Variants in TFEC observed in about 807,000 individuals in gnomAD.
TFEC encodes transcription factor EC.
TFEC carries 31 observed loss-of-function variants against 41.6 expected under a neutral mutation model. The observed-to-expected ratio is 0.74, with a 90% CI of 0.56 to 1.01. The LOEUF (loss-of-function observed/expected upper bound fraction) is 1.01. TFEC is among the 50% of genes least tolerant of loss of function. The pLI is 0.00. For synonymous variants in TFEC, 143 were observed against 140.6 expected (o/e 1.02, Z -0.12); for missense variants, 402 against 404.1 (o/e 0.99, Z 0.04).
chr7:116,001,030 T>G (rs994797226), intron 1 of TFEC, among the ~76,000 whole-genome samples: 1 of 151,552 alleles, frequency 6.6e-6, no homozygotes, highest in Non-Finnish European at 1.5e-5. Flanking sequence ...AATAACATAC[T>G]GGAGGAATCA....
intron 3 of TFEC, among the ~76,000 whole-genome samples, chr7:116,059,107 A>T (rs1319343433): frequency 1.3e-5 from 2 of 151,820 alleles, no homozygotes; most frequent in African/African-American, 4.8e-5. Context: ...AATCAATAAC[A>T]TCGACACTCT....
chr7:116,061,529 T>C (rs753559532), intron 3 of TFEC, among the ~76,000 whole-genome samples: 1 of 152,142 alleles, frequency 6.6e-6, no homozygotes, highest in Non-Finnish European at 1.5e-5. Context: ...AGAAAATCTT[T>C]GTGAATTTGG....
At chr7:116,151,994 C>CA (rs964303969) in intron 1 of TFEC, among the ~76,000 whole-genome samples, 51 of 149,994 alleles carry the variant, frequency 3.4e-4, no homozygotes, top group South Asian at 2.8e-3. Flanking sequence ...CACTTTTTCT[C>CA]AAAAAAAAAG....
At chr7:116,028,878 T>C (rs1157323684) in intron 1 of TFEC, among the ~76,000 whole-genome samples, 1 of 152,200 alleles carries the variant, frequency 6.6e-6, no homozygotes, top group African/African-American at 2.4e-5. Flanking sequence ...TCCTTATTTC[T>C]CCTTTCTGAC....
At chr7:116,154,239 C>T (rs1225474449) in intron 1 of TFEC, among the ~76,000 whole-genome samples, 1 of 152,120 alleles carries the variant, frequency 6.6e-6, no homozygotes, top group Non-Finnish European at 1.5e-5. Context: ...ATGCATAGAA[C>T]AGTCCAGGCT....
In TFEC at chr7:116,128,942, C is replaced by T. The variant is rs577477819; in HGVS notation, c.-68-16904G>A. Among the ~76,000 whole-genome samples the T allele has an allele frequency of 3.9e-5, 6 of 151,980 alleles. No individual in the cohort carries two copies. In the South Asian group the frequency reaches 8.3e-4, roughly 21 times the overall value. ...CAGAAAAAGACAATAGAAGTAAGTG[C>T]AAACATATCAGTGCTTTCAGTAAAA... On this transcript the variant is annotated intron_variant, in intron 1 of 8. Transcript: ENST00000484212.
intron 3 of TFEC, among the ~76,000 whole-genome samples, chr7:116,069,950 C>A (rs1476802140): frequency 6.6e-6 from 1 of 151,302 alleles, no homozygotes; most frequent in Non-Finnish European, 1.5e-5. Context: ...TCTTTTAAAA[C>A]AATATGAACA....
intron 3 of TFEC, among the ~76,000 whole-genome samples, chr7:116,044,197 G>A (rs560860122): frequency 6.6e-6 from 1 of 152,172 alleles, no homozygotes; most frequent in Non-Finnish European, 1.5e-5. Context: ...AAAGGCAGGA[G>A]TGGGATCCAT....
chr7:116,087,792 C>T (rs1481040493), intron 3 of TFEC, among the ~76,000 whole-genome samples: 1 of 152,004 alleles, frequency 6.6e-6, no homozygotes, highest in Non-Finnish European at 1.5e-5. Flanking sequence ...AATTAAATAG[C>T]TCCAGCAACA....
At chr7:116,119,972 T>C (rs1220193074) in intron 1 of TFEC, 1 of 120,820 alleles carries the variant, frequency 8.3e-6, no homozygotes, top group African/African-American at 3.1e-5. Flanking sequence ...ACAGACAAGA[T>C]AAAAAAAAAA....
chr7:115,990,940 A>G (rs186389667), intron 1 of TFEC, among the ~76,000 whole-genome samples: 5 of 152,306 alleles, frequency 3.3e-5, no homozygotes, highest in Non-Finnish European at 5.9e-5. Flanking sequence ...GAGATTCGCC[A>G]AAGTTGAAAT....
intron 1 of TFEC, among the ~76,000 whole-genome samples, chr7:115,997,446 C>G (rs762839835): frequency 6.6e-6 from 1 of 152,142 alleles, no homozygotes; most frequent in East Asian, 1.9e-4. Flanking sequence ...ACATCCAAGT[C>G]CCTTTAAATA....
At chr7:115,967,182 A>T in intron 3 of TFEC, among the ~76,000 whole-genome samples, 1 of 151,706 alleles carries the variant, frequency 6.6e-6, no homozygotes, top group East Asian at 2.0e-4. Context: ...TTTCCAGATA[A>T]TTTATTAGTA....
chr7:116,076,008 C>A (rs1796951421), intron 3 of TFEC, among the ~76,000 whole-genome samples: 1 of 152,190 alleles, frequency 6.6e-6, no homozygotes, highest in Non-Finnish European at 1.5e-5. Flanking sequence ...CAAGGACCCT[C>A]ACAGAGTCCA....
chr7:116,081,193 A>G (rs529072950), intron 3 of TFEC, among the ~76,000 whole-genome samples: 1 of 152,122 alleles, frequency 6.6e-6, no homozygotes, highest in African/African-American at 2.4e-5. Flanking sequence ...TAAGAATTAT[A>G]CATTGGACTT....
upstream of TFEC, among the ~76,000 whole-genome samples, chr7:116,031,429 T>C (rs1795779688): frequency 6.6e-6 from 1 of 152,140 alleles, no homozygotes; most frequent in African/African-American, 2.4e-5. Context: ...ACTCATGCCT[T>C]TACCAATGTG....
At position 115,941,863 on chromosome 7, in the gene TFEC, T is replaced by C. The variant is rs763888745; in HGVS notation, c.663+30A>G. 5.2e-5 allele frequency: 84 copies of C among 1,611,146 alleles called. 1 individual carries two copies. In the South Asian group the frequency reaches 8.7e-4, roughly 17 times the overall value. On this transcript the variant is annotated intron_variant, in intron 7 of 7. Coordinates refer to ENST00000265440, the MANE Select transcript of TFEC (RefSeq NM_012252.4). ...TGACAGCTGAGTCATGTGTAAGCTATGTGACTCATGGCTACATTCTTATAA... is the reference window on the plus strand; with the variant it reads ...TGACAGCTGAGTCATGTGTAAGCTACGTGACTCATGGCTACATTCTTATAA...
At chr7:115,999,079 CAAGTCTTAAAAATTCACAT>C (rs761295468) in intron 1 of TFEC, among the ~76,000 whole-genome samples, 8 of 151,946 alleles carry the variant, frequency 5.3e-5, no homozygotes, top group Non-Finnish European at 1.0e-4. Context: ...GACCACATAA[CAAGTCTTAAAAATTCACAT>C]AAGTCTTAAA....
intron 1 of TFEC, among the ~76,000 whole-genome samples, chr7:115,988,084 T>A (rs6978353): frequency 6.6e-6 from 1 of 151,918 alleles, no homozygotes; most frequent in Non-Finnish European, 1.5e-5. Context: ...ATAGAGAATA[T>A]TTTCCTTTAC....
Sources: allele counts gnomAD v4.1 joint callset (sites outside exome capture counted in the v4.1 genomes callset), GRCh38; gene constraint gnomAD v4.1.1; transcripts MANE v1.5; gene names NCBI Gene and HGNC (gene_info 2026-07-23, HGNC 2026-07-21).